TMEM183A: variants seen among roughly 807,000 people sequenced by gnomAD.
TMEM183A encodes chromosome 1 open reading frame 37.
A neutral mutation model predicts 46.7 loss-of-function variants in TMEM183A; 21 were observed. The ratio of observed to expected loss-of-function variants is 0.45; its 90% CI spans 0.32 to 0.65. The LOEUF is 0.65. Among genes scored for constraint, TMEM183A ranks in the 30% least tolerant of loss-of-function variants. The pLI is 0.04. For synonymous variants in TMEM183A, 165 were observed against 180.2 expected (o/e 0.92, Z 0.68); for missense variants, 331 against 481.9 (o/e 0.69, Z 2.93).
intron 2 of TMEM183A, 55 bp from the exon 3 acceptor site, chr1:203,008,588 T>G: frequency 2.9e-6 from 4 of 1,364,032 alleles, no homozygotes; most frequent in Non-Finnish European, 3.8e-6. Context: ...GCTAAGTTGT[T>G]TGTATTTCTG....
At chr1:203,022,741 G>T in intron 7 of TMEM183A, 114 bp from the exon 8 acceptor site, 3 of 1,347,968 alleles carry the variant, frequency 2.2e-6, no homozygotes, top group Non-Finnish European at 3.1e-6. Context: ...ATAATTTAGA[G>T]ATTAATCTTG....
chr1:203,007,557 A>G lies in TMEM183A; in HGVS notation c.92A>G (p.Asp31Gly), dbSNP rs761848085. 31 of 1,547,796 alleles carry G rather than the reference A, an allele frequency of 2.0e-5. No homozygotes were observed. Among genetic ancestry groups the G allele is most frequent in the Non-Finnish European group, 2.5e-5 (29 of 1,152,610 alleles). ...RGKRLKFRAHDACSGRVTVAD... is the reference protein window; with the variant it reads ...RGKRLKFRAHGACSGRVTVAD... ...AAGCGACTCAAGTTCCGGGCCCACG[A>G]CGCCTGCTCCGGCCGAGGTGGGCGA... is the stretch of plus-strand genomic sequence containing the variant. Residue 31 changes from aspartate (D) to glycine (G), a missense_variant, in exon 1 of 8, where the codon GAC becomes GGC. Around this residue, in one of 2 missense-constraint regions of TMEM183A, gnomAD observed 98 missense variants for 96.1 expected, o/e 1.02. Transcript: ENST00000367242.
Position 203,007,383 on chromosome 1 carries a change from G to A in TMEM183A, c.-83G>A, listed in dbSNP as rs1446892877. 7.8e-7 allele frequency: 1 copy of A among 1,284,574 alleles called. No individual in the cohort carries two copies. The highest frequency in any genetic ancestry group is 1.0e-6 in the Non-Finnish European group (1 of 1,004,120). 79.6% of individuals were successfully genotyped at this position (1,284,574 alleles called of 1,614,324 possible). A position where few individuals can be genotyped will look rare whatever the true frequency, so the allele number is the denominator to read the frequency against. On this transcript the variant is annotated 5_prime_UTR_variant, in exon 1 of 8. Coordinates refer to ENST00000367242, the MANE Select transcript of TMEM183A (RefSeq NM_138391.6). ...AACCCGGACCTATGTTCTCGCGAGA[G>A]TTAGCGGCCTCCGGTGTGGGATGGC...
intron 4 of TMEM183A, 23 bp downstream of exon 4, chr1:203,015,071 C>G (rs1272483279): frequency 6.2e-7 from 1 of 1,607,140 alleles, no homozygotes; most frequent in Non-Finnish European, 8.5e-7. Context: ...AGAGCTCACT[C>G]TTTTATCTGT....
intron 5 of TMEM183A, 74 bp downstream of exon 5, chr1:203,016,214 A>T (rs779650226): frequency 6.2e-7 from 1 of 1,602,702 alleles, no homozygotes; most frequent in Admixed American, 1.7e-5. Flanking sequence ...GCTTGTCTCC[A>T]GCTTCCTTGA....
At position 203,007,585 on chromosome 1, in the gene TMEM183A, G is replaced by T. The variant is rs987326703; in HGVS notation, c.109+11G>T. 3 of 1,541,692 alleles carry T rather than the reference G, an allele frequency of 1.9e-6. No individual in the cohort carries two copies. Among genetic ancestry groups the T allele is most frequent in the East Asian group, 2.4e-5 (1 of 41,648 alleles). On this transcript the variant is annotated intron_variant, in intron 1 of 7. Coordinates refer to ENST00000367242, the MANE Select transcript of TMEM183A (RefSeq NM_138391.6). ...CCTGCTCCGGCCGAGGTGGGCGAGGGGGGCAGGGGCGCTGAAACATTTTGG... is the reference window on the plus strand; with the variant it reads ...CCTGCTCCGGCCGAGGTGGGCGAGGTGGGCAGGGGCGCTGAAACATTTTGG...
intron 5 of TMEM183A, 55 bp downstream of exon 5, chr1:203,016,195 G>T (rs764686849): frequency 6.2e-7 from 1 of 1,610,572 alleles, no homozygotes; most frequent in Non-Finnish European, 8.5e-7. Flanking sequence ...TGGTAGGCCT[G>T]TTATCATGGC....
chr1:203,018,713 C>A lies in TMEM183A; in HGVS notation c.789+152C>A, dbSNP rs1039739748. 2.1e-5 allele frequency: 19 copies of A among 909,120 alleles called. No individual in the cohort carries two copies. The African/African-American group carries it at 3.2e-4, about 15-fold the overall frequency. The allele number at this position is 909,120 out of a possible 1,614,324, so 56.3% of individuals were successfully genotyped here. On this transcript the variant is annotated intron_variant, in intron 6 of 7. Transcript: ENST00000367242. ...CTTTATTTCTTAACAGTTCTGGAGG[C>A]TGGGAAGTCCAAGATCAAGGTACTT...
At chr1:203,008,453 CTTTTT>C (rs35395088) in intron 2 of TMEM183A, among the ~76,000 whole-genome samples, 185 bp from the exon 3 acceptor site, 3 of 106,114 alleles carry the variant, frequency 2.8e-5, no homozygotes, top group Non-Finnish European at 4.1e-5. Context: ...CATTGCTTTC[CTTTTT>C]TTTTTTTTTT....
chr1:203,022,040 A>G (rs1657742734), intron 7 of TMEM183A, among the ~76,000 whole-genome samples: 1 of 152,162 alleles, frequency 6.6e-6, no homozygotes, highest in Non-Finnish European at 1.5e-5. Context: ...ATAATTTTGT[A>G]TAATTGAGAT....
chr1:203,016,443 A>G (rs1315564643), intron 5 of TMEM183A, among the ~76,000 whole-genome samples: 1 of 152,246 alleles, frequency 6.6e-6, no homozygotes, highest in African/African-American at 2.4e-5. Flanking sequence ...GGTTTGGGCT[A>G]GGAAGAGCAT....
chr1:203,022,283 C>G (rs944513800), intron 7 of TMEM183A, among the ~76,000 whole-genome samples: 6 of 151,484 alleles, frequency 4.0e-5, no homozygotes, highest in Non-Finnish European at 8.8e-5. Context: ...AGGCTGGTCT[C>G]AAACTCCTAA....
chr1:203,007,393 T>C lies in TMEM183A; in HGVS notation c.-73T>C. 1 of 1,298,818 alleles carries C rather than the reference T, an allele frequency of 7.7e-7. No individual in the cohort carries two copies. Among genetic ancestry groups the C allele is most frequent in the Non-Finnish European group, 9.8e-7 (1 of 1,016,428 alleles). The allele number at this position is 1,298,818 out of a possible 1,614,324, so 80.5% of individuals were successfully genotyped here. On this transcript the variant is annotated 5_prime_UTR_variant, in exon 1 of 8. Coordinates refer to ENST00000367242, the MANE Select transcript of TMEM183A (RefSeq NM_138391.6). The stretch of plus-strand genomic sequence containing the variant: ...TATGTTCTCGCGAGAGTTAGCGGCC[T>C]CCGGTGTGGGATGGCCGCGGAGCCG...
rs928269368 is a variant in TMEM183A, at chr1:203,023,140, T to C, written c.*100T>C. ...GCTGGATTGTATATCTCGTTAGTAA[T>C]GTACATGCTCTTCAGGTTCTAGGGC... On this transcript the variant is annotated 3_prime_UTR_variant, in exon 8 of 8. Coordinates refer to ENST00000367242, the MANE Select transcript of TMEM183A (RefSeq NM_138391.6). The C allele has an allele frequency of 3.2e-6, 2 of 629,282 alleles. No individual in the cohort carries two copies. Among genetic ancestry groups the C allele is most frequent in the Non-Finnish European group, 5.3e-6 (2 of 377,350 alleles). The allele number at this position is 629,282 out of a possible 1,614,324, so 39.0% of individuals were successfully genotyped here.
Position 203,016,058 on chromosome 1 carries a change from A to G in TMEM183A, c.626A>G (p.His209Arg), listed in dbSNP as rs765737467. 5 of 1,614,066 alleles carry G rather than the reference A, an allele frequency of 3.1e-6. No individual in the cohort carries two copies. Among genetic ancestry groups the G allele is most frequent in the South Asian group, 2.2e-5 (2 of 91,082 alleles). The change falls in exon 5 of 8, where the codon CAT becomes CGT. Residue 209 changes from histidine (H) to arginine (R), a missense_variant. Physicochemically the swap from His to Arg is conservative, Grantham distance 29. Around this residue, in one of 2 missense-constraint regions of TMEM183A, gnomAD observed 233 missense variants for 385.8 expected, o/e 0.60. Coordinates refer to ENST00000367242, the MANE Select transcript of TMEM183A (RefSeq NM_138391.6). ...LRACVIRSLYHMYEPFAARIS... is the reference protein window; with the variant it reads ...LRACVIRSLYRMYEPFAARIS... ...GCTTGTGTGATCCGATCTCTGTACC[A>G]TATGTATGAGCCATTTGCTGCTCGA...
Position 203,014,784 on chromosome 1 carries a change from A to C in TMEM183A, c.368-105A>C. On this transcript the variant is annotated intron_variant, in intron 3 of 7. Transcript: ENST00000367242. ...TGAGGGGTTTCCTTGGACCTATTTA[A>C]AACCATTTTCTTAACTGTGCAATCA... 3 of 1,479,222 alleles carry C rather than the reference A, an allele frequency of 2.0e-6. No individual in the cohort carries two copies. The South Asian group carries it at 4.1e-5, about 20-fold the overall frequency. The allele number at this position is 1,479,222 out of a possible 1,614,324, so 91.6% of individuals were successfully genotyped here.
At chr1:203,008,512 A>G in intron 2 of TMEM183A, 131 bp from the exon 3 acceptor site, 3 of 591,166 alleles carry the variant, frequency 5.1e-6, no homozygotes, top group Non-Finnish European at 7.1e-6. Flanking sequence ...TTGGTGACAG[A>G]TTCTCACCTT....
intron 1 of TMEM183A, 92 bp from the exon 2 acceptor site, chr1:203,007,682 C>T (rs1656090237): frequency 2.6e-6 from 4 of 1,558,696 alleles, no homozygotes; most frequent in Middle Eastern, 1.9e-4. Flanking sequence ...GAGGGCGGCT[C>T]GGTCCGGGGG....
intron 2 of TMEM183A, among the ~76,000 whole-genome samples, 186 bp from the exon 3 acceptor site, chr1:203,008,453 CTTTT>C (rs35395088): frequency 2.5e-4 from 27 of 106,094 alleles, no homozygotes; most frequent in Non-Finnish European, 3.5e-4. Flanking sequence ...CATTGCTTTC[CTTTT>C]TTTTTTTTTT....
Sources: gnomAD v4.1 joint callset for allele counts (sites outside exome capture counted in the v4.1 genomes callset) on GRCh38, gnomAD v4.1.1 for gene constraint, gnomAD v4.1.1 regional missense constraint, MANE v1.5 for transcripts, NCBI Gene and HGNC (gene_info 2026-07-23, HGNC 2026-07-21) for gene names.